The following HERPUD2 variants were observed in gnomAD, a reference collection of about 807,000 sequenced individuals.
HERPUD2 encodes HERPUD family member 2, also known as homocysteine-responsive endoplasmic reticulum-resident ubiquitin-like domain member 2 protein.
In HERPUD2, 13 loss-of-function variants were observed where a neutral mutation model predicts 49.9. The ratio of observed to expected loss-of-function variants is 0.26; its 90% CI spans 0.17 to 0.41. HERPUD2 has a LOEUF of 0.41. Ranked by LOEUF, HERPUD2 falls within the 10% of genes least tolerant of loss-of-function variation. The pLI is 1.00. For missense variants in HERPUD2, 449 were observed against 492.2 expected (o/e 0.91, Z 0.83); for synonymous variants, 172 against 171.4 (o/e 1.00, Z -0.03).
intron 5 of HERPUD2, among the ~76,000 whole-genome samples, chr7:35,640,239 A>T (rs191414060): frequency 2.0e-5 from 3 of 152,356 alleles, no homozygotes. Flanking sequence ...TGCTGTATCT[A>T]GATGTATATT....
intron 5 of HERPUD2, among the ~76,000 whole-genome samples, chr7:35,665,575 C>T (rs566833819): frequency 3.9e-5 from 6 of 152,288 alleles, no homozygotes; most frequent in South Asian, 4.1e-4. Context: ...CCAGGTGAGG[C>T]GATGCCCCGC....
chr7:35,639,609 G>A (rs1465799519), intron 5 of HERPUD2, among the ~76,000 whole-genome samples: 1 of 152,146 alleles, frequency 6.6e-6, no homozygotes, highest in Non-Finnish European at 1.5e-5. Flanking sequence ...TTGTGAATTT[G>A]CTAACTCTTC....
In HERPUD2 at chr7:35,638,063, C is replaced by T. The variant is rs532144887; in HGVS notation, c.617+287G>A. Reference sequence around the variant, plus strand: ...TCCTTTACTCATTTGACTAACTCTTCATGTATATTTGCTGCCTTCCAGTGA... The same window carrying T: ...TCCTTTACTCATTTGACTAACTCTTTATGTATATTTGCTGCCTTCCAGTGA... On this transcript the variant is annotated intron_variant, in intron 6 of 8. Coordinates refer to ENST00000311350, the MANE Select transcript of HERPUD2 (RefSeq NM_022373.5). Among the ~76,000 whole-genome samples, 5 of 152,314 alleles carry T rather than the reference C, an allele frequency of 3.3e-5. No homozygotes were observed. The East Asian group carries it at 9.6e-4, about 29-fold the overall frequency.
At chr7:35,652,939 T>TA (rs1055504136) in intron 5 of HERPUD2, among the ~76,000 whole-genome samples, 50 of 146,236 alleles carry the variant, frequency 3.4e-4, no homozygotes, top group African/African-American at 1.2e-3. Context: ...AATACACAAA[T>TA]AAAAAAGAGA....
chr7:35,660,155 G>C (rs1471847458), intron 5 of HERPUD2, among the ~76,000 whole-genome samples: 2 of 152,142 alleles, frequency 1.3e-5, no homozygotes, highest in Non-Finnish European at 2.9e-5. Context: ...GCGATAGTTT[G>C]CTCAGAATGA....
chr7:35,655,519 T>C (rs907711275), intron 5 of HERPUD2, among the ~76,000 whole-genome samples: 2 of 152,120 alleles, frequency 1.3e-5, no homozygotes, highest in African/African-American at 4.8e-5. Context: ...CTCAACAAAC[T>C]AGGCATAGAC....
chr7:35,688,252 A>G (rs560557191), intron 2 of HERPUD2, among the ~76,000 whole-genome samples: 14 of 152,180 alleles, frequency 9.2e-5, no homozygotes, highest in Non-Finnish European at 1.9e-4. Context: ...CCAATCTAAA[A>G]ACCCTGAAAA....
intron 2 of HERPUD2, among the ~76,000 whole-genome samples, chr7:35,678,098 G>T (rs1228728361): frequency 6.6e-6 from 1 of 152,174 alleles, no homozygotes; most frequent in Non-Finnish European, 1.5e-5. Context: ...GTTTCATGAG[G>T]CTCTAATGAG....
At position 35,666,061 on chromosome 7, in the gene HERPUD2, T is replaced by C. The variant is rs561113847; in HGVS notation, c.494+1373A>G. 3.6e-3 allele frequency among the ~76,000 whole-genome samples: 550 copies of C among 152,330 alleles called. 1 individual carries two copies. The highest frequency in any genetic ancestry group is 6.9e-3 in the Non-Finnish European group (466 of 68,028). ...CCAAATAAAATAAGTAAAATCACTC[T>C]GTATAAACTGAGAGGAACTTACTCT... On this transcript the variant is annotated intron_variant, in intron 5 of 8. Transcript: ENST00000311350.
At chr7:35,642,144 C>A (rs1259315836) in intron 5 of HERPUD2, among the ~76,000 whole-genome samples, 1 of 151,824 alleles carries the variant, frequency 6.6e-6, no homozygotes, top group African/African-American at 2.4e-5. Context: ...AAAAAGTGGG[C>A]AAAGGACATG....
Position 35,681,330 on chromosome 7 carries a change from G to A in HERPUD2, c.148-8052C>T, listed in dbSNP as rs1157643444. On this transcript the variant is annotated intron_variant, in intron 2 of 8. Transcript: ENST00000311350. ...AGCAAAAACAAGTATGGGCAAGGAT[G>A]TAGAGAAACTAGACCCTTCCTACAT... 2.0e-5 allele frequency among the ~76,000 whole-genome samples: 3 copies of A among 152,180 alleles called. No individual in the cohort carries two copies. In the East Asian group the frequency reaches 5.8e-4, roughly 29 times the overall value.
intron 5 of HERPUD2, among the ~76,000 whole-genome samples, chr7:35,640,016 A>C (rs971864978): frequency 6.6e-6 from 1 of 152,186 alleles, no homozygotes; most frequent in Non-Finnish European, 1.5e-5. Flanking sequence ...CAGATGACAC[A>C]GCACCTCCCC....
At chr7:35,642,202 G>A (rs1784977124) in intron 5 of HERPUD2, among the ~76,000 whole-genome samples, 1 of 152,000 alleles carries the variant, frequency 6.6e-6, no homozygotes, top group African/African-American at 2.4e-5. Context: ...ACAAGCAAAT[G>A]AAAAAAAGCT....
chr7:35,643,496 A>T (rs1231479283), intron 5 of HERPUD2, among the ~76,000 whole-genome samples: 1 of 152,174 alleles, frequency 6.6e-6, no homozygotes, highest in Admixed American at 6.5e-5. Flanking sequence ...CTATGGAGTG[A>T]CTTCTTAGAT....
intron 2 of HERPUD2, among the ~76,000 whole-genome samples, chr7:35,680,012 AC>A (rs1785845569): frequency 6.6e-6 from 1 of 152,074 alleles, no homozygotes; most frequent in Non-Finnish European, 1.5e-5. Context: ...CACTGCCATT[AC>A]CCTAATCTAA....
At chr7:35,673,016 C>G (rs181228966) in intron 3 of HERPUD2, among the ~76,000 whole-genome samples, 185 bp downstream of exon 3, 9 of 152,224 alleles carry the variant, frequency 5.9e-5, no homozygotes, top group Admixed American at 5.9e-4. Context: ...GATGGATATA[C>G]AGAACTGTTA....
At position 35,661,018 on chromosome 7, in the gene HERPUD2, C is replaced by T. The variant is rs147844188; in HGVS notation, c.494+6416G>A. 1.1e-3 allele frequency among the ~76,000 whole-genome samples: 161 copies of T among 152,256 alleles called. 2 individuals carry two copies. The East Asian group carries it at 0.027, about 26-fold the overall frequency. ...TGGGTTTTTATGGTTTTAGGTCTAA[C>T]ATTTAAGTCTTTAATCCATCTTGAA... is the stretch of plus-strand genomic sequence containing the variant. On this transcript the variant is annotated intron_variant, in intron 5 of 8. Transcript: ENST00000311350.
Position 35,657,515 on chromosome 7 carries a change from G to A in HERPUD2, c.494+9919C>T, listed in dbSNP as rs797019106. 3.3e-5 allele frequency among the ~76,000 whole-genome samples: 5 copies of A among 150,706 alleles called. No homozygotes were observed. In the South Asian group the frequency reaches 6.3e-4, roughly 19 times the overall value. Reference sequence around the variant, plus strand: ...CTCATACGTGTAATTCCAGTACTTTGGGAGGCCGAGGTGGGAGAATCGCTT... The same window carrying A: ...CTCATACGTGTAATTCCAGTACTTTAGGAGGCCGAGGTGGGAGAATCGCTT... On this transcript the variant is annotated intron_variant, in intron 5 of 8. Transcript: ENST00000311350.
intron 3 of HERPUD2, among the ~76,000 whole-genome samples, chr7:35,670,918 G>A (rs919847059): frequency 6.6e-6 from 1 of 151,924 alleles, no homozygotes; most frequent in South Asian, 2.1e-4. Flanking sequence ...TCCAAATAAC[G>A]ATTAGGGTTG....
Sources: allele counts gnomAD v4.1 joint callset (sites outside exome capture counted in the v4.1 genomes callset), GRCh38; gene constraint gnomAD v4.1.1; transcripts MANE v1.5; gene names NCBI Gene and HGNC (gene_info 2026-07-23, HGNC 2026-07-21).